PDGFC: variants seen among roughly 807,000 people sequenced by gnomAD.
The protein encoded by PDGFC is platelet-derived growth factor C.
Under a neutral mutation model 35.5 loss-of-function variants are expected in PDGFC, and 12 were observed. The ratio of observed to expected loss-of-function variants is 0.34; its 90% CI spans 0.22 to 0.55. The LOEUF (loss-of-function observed/expected upper bound fraction) is 0.55, where lower values mean the gene tolerates loss of function less well. Ranked by LOEUF, PDGFC falls within the 20% of genes least tolerant of loss-of-function variation. The pLI is 0.91. For missense variants in PDGFC, 322 were observed against 412.4 expected, an observed-to-expected ratio of 0.78 and a Z score of 1.90; for synonymous variants, 159 against 148.8, an observed-to-expected ratio of 1.07 and a Z score of -0.50.
At chr4:156,823,874 T>C (rs1009844568) in intron 2 of PDGFC, among the ~76,000 whole-genome samples, 1 of 152,124 alleles carries the variant, frequency 6.6e-6, no homozygotes, top group Non-Finnish European at 1.5e-5. Flanking sequence ...GTGTAGTATA[T>C]ATAAACATTG....
At chr4:156,806,055 T>C (rs994187109) in intron 3 of PDGFC, among the ~76,000 whole-genome samples, 5 of 152,114 alleles carry the variant, frequency 3.3e-5, no homozygotes, top group Non-Finnish European at 7.4e-5. Flanking sequence ...TACTATACTA[T>C]ATTATTAATC....
intron 2 of PDGFC, among the ~76,000 whole-genome samples, chr4:156,832,500 C>T (rs1294452928): frequency 6.6e-6 from 1 of 152,172 alleles, no homozygotes; most frequent in Non-Finnish European, 1.5e-5. Context: ...CGTGATCCAC[C>T]CGCCTCTGCC....
rs1382522893 is a variant in PDGFC, at chr4:156,844,113, T to C, written c.314+6108A>G. Among the ~76,000 whole-genome samples, 3 of 152,182 alleles carry C rather than the reference T, an allele frequency of 2.0e-5. No homozygotes were observed. The East Asian group carries it at 5.8e-4, about 29-fold the overall frequency. On this transcript the variant is annotated intron_variant, in intron 2 of 5. Transcript: ENST00000502773. ...TAGCTTTTCTTCCTCCAATTCACTATTAAATCTGTCAATGTAAAATTTTCC... is the reference window on the plus strand; with the variant it reads ...TAGCTTTTCTTCCTCCAATTCACTACTAAATCTGTCAATGTAAAATTTTCC...
chr4:156,903,357 G>C (rs1346875529), intron 1 of PDGFC, among the ~76,000 whole-genome samples: 1 of 151,874 alleles, frequency 6.6e-6, no homozygotes, highest in Non-Finnish European at 1.5e-5. Context: ...TGCACTTAAT[G>C]AAAACAACAA....
chr4:156,947,772 T>C (rs1248415181), intron 1 of PDGFC, among the ~76,000 whole-genome samples: 1 of 151,952 alleles, frequency 6.6e-6, no homozygotes, highest in Admixed American at 6.6e-5. Context: ...AAATAATATT[T>C]CCTAGGACAA....
chr4:156,827,408 C>T (rs1412390407), intron 2 of PDGFC, among the ~76,000 whole-genome samples: 1 of 146,224 alleles, frequency 6.8e-6, no homozygotes, highest in Non-Finnish European at 1.5e-5. Context: ...CAGAGTGAGA[C>T]TCCATCTCAA....
At chr4:156,830,476 T>G (rs550695278) in intron 2 of PDGFC, among the ~76,000 whole-genome samples, 1 of 152,284 alleles carries the variant, frequency 6.6e-6, no homozygotes, top group Admixed American at 6.5e-5. Flanking sequence ...TACAGGCAAC[T>G]GAGTAATTGT....
chr4:156,905,779 A>T (rs1286189367), intron 1 of PDGFC, among the ~76,000 whole-genome samples: 2 of 151,712 alleles, frequency 1.3e-5, no homozygotes, highest in South Asian at 4.1e-4. Flanking sequence ...TTTTAATTAC[A>T]TTAGAAAGAT....
chr4:156,903,317 T>G (rs770825076), intron 1 of PDGFC, among the ~76,000 whole-genome samples: 1 of 151,962 alleles, frequency 6.6e-6, no homozygotes, highest in Non-Finnish European at 1.5e-5. Flanking sequence ...AAAATATACA[T>G]GTATACATTT....
chr4:156,917,147 A>C (rs1731171782), intron 1 of PDGFC, among the ~76,000 whole-genome samples: 1 of 152,236 alleles, frequency 6.6e-6, no homozygotes, highest in Non-Finnish European at 1.5e-5. Flanking sequence ...GTATGGGCCC[A>C]ATAAGAGACC....
chr4:156,807,260 C>T lies in PDGFC; in HGVS notation c.495+3577G>A, dbSNP rs1045896395. On this transcript the variant is annotated intron_variant, in intron 3 of 5. Transcript: ENST00000502773. ...ATTCTAGTACTACTGTTTTAAAAAG[C>T]TATAACTAGCTATAACCTCAAGTAA... Among the ~76,000 whole-genome samples, 4 of 151,952 alleles carry T rather than the reference C, an allele frequency of 2.6e-5. No homozygotes were observed. In the East Asian group the frequency reaches 5.8e-4, roughly 22 times the overall value.
In PDGFC at chr4:156,796,453, G is replaced by A. The variant is rs71607132; in HGVS notation, c.495+14384C>T. 7.1e-3 allele frequency among the ~76,000 whole-genome samples: 1,038 copies of A among 147,148 alleles called. 4 individuals are homozygous for A. Among genetic ancestry groups the A allele is most frequent in the Non-Finnish European group, 0.01 (701 of 67,184 alleles). ...TATATTCATGCAAGATGTTATCCTTGGGGAAAATTAGGCGGACAGTATACA... is the reference window on the plus strand; with the variant it reads ...TATATTCATGCAAGATGTTATCCTTAGGGAAAATTAGGCGGACAGTATACA... On this transcript the variant is annotated intron_variant, in intron 3 of 5. Coordinates refer to ENST00000502773, the MANE Select transcript of PDGFC (RefSeq NM_016205.3).
chr4:156,891,060 A>G (rs1730492673), intron 1 of PDGFC, among the ~76,000 whole-genome samples: 1 of 152,150 alleles, frequency 6.6e-6, no homozygotes, highest in Admixed American at 6.5e-5. Flanking sequence ...CACCTGCACT[A>G]TTATGGTATA....
chr4:156,917,711 A>T (rs1731184359), intron 1 of PDGFC, among the ~76,000 whole-genome samples: 2 of 152,248 alleles, frequency 1.3e-5, no homozygotes, highest in South Asian at 4.1e-4. Context: ...AAATTAACTT[A>T]ATCCAATTTT....
intron 2 of PDGFC, among the ~76,000 whole-genome samples, chr4:156,845,206 T>A (rs6813284): frequency 0.059 from 9,022 of 151,728 alleles, 885 homozygotes; most frequent in African/African-American, 0.21. Context: ...GAAAATAAAA[T>A]ACCACATTAT....
intron 1 of PDGFC, among the ~76,000 whole-genome samples, chr4:156,947,782 A>C (rs761406746): frequency 2.6e-5 from 4 of 152,004 alleles, no homozygotes; most frequent in Non-Finnish European, 4.4e-5. Context: ...TCCTAGGACA[A>C]AATATTCTAC....
chr4:156,908,478 A>G (rs577336535), intron 1 of PDGFC, among the ~76,000 whole-genome samples: 99 of 152,322 alleles, frequency 6.5e-4, no homozygotes, highest in African/African-American at 2.2e-3. Context: ...GCCAATTAGT[A>G]AAACAGAAGT....
intron 1 of PDGFC, among the ~76,000 whole-genome samples, chr4:156,858,372 T>G (rs143541657): frequency 6.6e-6 from 1 of 152,238 alleles, no homozygotes; most frequent in East Asian, 1.9e-4. Context: ...TTACCTATTA[T>G]GAAATAGGAT....
intron 1 of PDGFC, among the ~76,000 whole-genome samples, chr4:156,881,332 T>A (rs1197545011): frequency 1.3e-5 from 2 of 152,218 alleles, no homozygotes; most frequent in African/African-American, 2.4e-5. Context: ...TGCTACTGTA[T>A]ACTGAATAGC....
Sources: gnomAD v4.1 joint callset for allele counts (sites outside exome capture counted in the v4.1 genomes callset) on GRCh38, gnomAD v4.1.1 for gene constraint, MANE v1.5 for transcripts, NCBI Gene and HGNC (gene_info 2026-07-23, HGNC 2026-07-21) for gene names.